ZC3H12B: variants seen among roughly 807,000 people sequenced by gnomAD.
ZC3H12B encodes probable ribonuclease ZC3H12B.
Under a neutral mutation model 43.9 loss-of-function variants are expected in ZC3H12B, and 7 were observed. That is an observed-to-expected ratio of 0.16 (90% CI 0.09 to 0.30). ZC3H12B has a LOEUF of 0.30. Ranked by LOEUF, ZC3H12B falls within the 10% of genes least tolerant of loss-of-function variation. The pLI, the probability that ZC3H12B is intolerant of heterozygous loss-of-function variation, is 1.00. For missense variants in ZC3H12B, 475 were observed against 670.2 expected (o/e 0.71, Z 3.22); for synonymous variants, 222 against 241.7 (o/e 0.92, Z 0.76).
chrX:65,202,160 T>TATATA, the ZC3H12B span, among the ~76,000 whole-genome samples: 1 of 98,213 alleles, frequency 1.0e-5, no homozygotes, highest in South Asian at 4.1e-4. Flanking sequence ...ATATATATTA[T>TATATA]ATATAATATA....
chrX:65,499,313 T>G (rs2068333914), intron 3 of ZC3H12B, 80 bp downstream of exon 8: 1 of 768,530 alleles, frequency 1.3e-6, no homozygotes, highest in Non-Finnish European at 1.9e-6. Context: ...ACCAAACACT[T>G]ACTGTGTATC....
At chrX:65,443,477 C>T (rs1348439754) in intron 3 of ZC3H12B, among the ~76,000 whole-genome samples, 1 of 111,978 alleles carries the variant, frequency 8.9e-6, no homozygotes, top group Admixed American at 9.4e-5. Flanking sequence ...GCCTTCAGAG[C>T]TGAGAGCCCC....
At chrX:65,088,131 C>T in the ZC3H12B span, among the ~76,000 whole-genome samples, 1 of 111,626 alleles carries the variant, frequency 9.0e-6, no homozygotes. Context: ...TTACATTAGC[C>T]TGTGTAAGAT....
At chrX:65,270,492 A>G in the ZC3H12B span, among the ~76,000 whole-genome samples, 2 of 111,884 alleles carry the variant, frequency 1.8e-5, no homozygotes, top group East Asian at 5.6e-4. Flanking sequence ...TTTGGATATC[A>G]TACCAAAAGC....
the ZC3H12B span, among the ~76,000 whole-genome samples, chrX:65,204,806 CTTAA>C: frequency 8.9e-6 from 1 of 112,046 alleles, no homozygotes; most frequent in Admixed American, 9.5e-5. Flanking sequence ...TTCTTTATTT[CTTAA>C]TTGTGTTTCA....
chrX:65,391,999 T>C (rs1002716727), intron 2 of ZC3H12B, among the ~76,000 whole-genome samples: 4 of 111,820 alleles, frequency 3.6e-5, no homozygotes, highest in African/African-American at 9.7e-5. Context: ...GCTCCTGACC[T>C]CGAGTGATCT....
At chrX:65,065,727 G>A in the ZC3H12B span, among the ~76,000 whole-genome samples, 1 of 111,338 alleles carries the variant, frequency 9.0e-6, no homozygotes, top group African/African-American at 3.3e-5. Context: ...ATAATATCTT[G>A]AAGTGTATTT....
chrX:65,275,951 A>G, the ZC3H12B span, among the ~76,000 whole-genome samples: 1 of 111,866 alleles, frequency 8.9e-6, no homozygotes, highest in African/African-American at 3.2e-5. Context: ...TAAAATCAGG[A>G]AAACAATCCA....
the ZC3H12B span, among the ~76,000 whole-genome samples, chrX:65,203,731 C>A: frequency 1.3e-4 from 15 of 111,664 alleles, no homozygotes; most frequent in African/African-American, 4.5e-4. Context: ...GTCTTGGTCA[C>A]CCTGGCTAGT....
At chrX:65,487,870 T>TCTTC (rs1466271255), upstream of ZC3H12B, among the ~76,000 whole-genome samples, 2 of 111,464 alleles carry the variant, frequency 1.8e-5, no homozygotes, top group Non-Finnish European at 3.8e-5. Flanking sequence ...CATGTGCTTT[T>TCTTC]CTTTCTTTCT....
chrX:65,498,338 T>TTGCCTGATG (rs1227576191), intron 2 of ZC3H12B, among the ~76,000 whole-genome samples: 5 of 111,980 alleles, frequency 4.5e-5, no homozygotes, highest in Non-Finnish European at 9.4e-5. Context: ...GCATCAGCTG[T>TTGCCTGATG]TGCCTGATGT....
chrX:65,434,575 A>T (rs2067198478), intron 3 of ZC3H12B, among the ~76,000 whole-genome samples: 2 of 112,373 alleles, frequency 1.8e-5, no homozygotes, highest in African/African-American at 6.5e-5. Context: ...TCCTTCCATC[A>T]TTATCCCATA....
At chrX:65,096,636 G>A in the ZC3H12B span, among the ~76,000 whole-genome samples, 1 of 111,209 alleles carries the variant, frequency 9.0e-6, no homozygotes, top group African/African-American at 3.3e-5. Flanking sequence ...GAAGAAAATG[G>A]GGCAGAGAAT....
chrX:65,042,266 CAT>C, the ZC3H12B span, among the ~76,000 whole-genome samples: 15 of 112,031 alleles, frequency 1.3e-4, no homozygotes, highest in Admixed American at 6.6e-4. Flanking sequence ...ATTCCTATGA[CAT>C]GTGTGAAAAA....
the ZC3H12B span, among the ~76,000 whole-genome samples, chrX:65,166,530 C>CA: frequency 4.5e-5 from 5 of 111,879 alleles, no homozygotes; most frequent in African/African-American, 1.6e-4. Flanking sequence ...TTTATAGCAG[C>CA]ATCATTTATA....
At chrX:65,109,712 C>T in the ZC3H12B span, among the ~76,000 whole-genome samples, 1 of 111,624 alleles carries the variant, frequency 9.0e-6, no homozygotes, top group Non-Finnish European at 1.9e-5. Flanking sequence ...AGTGTACACC[C>T]AGGGAGTGGA....
intron 3 of ZC3H12B, among the ~76,000 whole-genome samples, chrX:65,430,077 G>A (rs778865547): frequency 8.9e-6 from 1 of 112,540 alleles, no homozygotes; most frequent in Non-Finnish European, 1.9e-5. Flanking sequence ...CCTGGATTCA[G>A]CCCCCTTCCT....
chrX:65,115,903 GT>G, the ZC3H12B span, among the ~76,000 whole-genome samples: 1 of 110,622 alleles, frequency 9.0e-6, no homozygotes, highest in Non-Finnish European at 1.9e-5. Context: ...TGATGGGATT[GT>G]TTTTTTCTTG....
At chrX:65,468,551 T>A (rs2067857256) in intron 3 of ZC3H12B, among the ~76,000 whole-genome samples, 1 of 103,422 alleles carries the variant, frequency 9.7e-6, no homozygotes, top group South Asian at 4.7e-4. Context: ...TGGCACCATC[T>A]CGGCTCACTG....
Sources: allele counts gnomAD v4.1 joint callset (sites outside exome capture counted in the v4.1 genomes callset), GRCh38; gene constraint gnomAD v4.1.1; transcripts MANE v1.5; gene names NCBI Gene and HGNC (gene_info 2026-07-23, HGNC 2026-07-21).